The following CAMK1D variants were observed in gnomAD, a reference collection of about 807,000 sequenced individuals.
CAMK1D encodes calcium/calmodulin-dependent protein kinase type 1D.
CAMK1D carries 9 observed loss-of-function variants against 47.7 expected under a neutral mutation model. The ratio of observed to expected loss-of-function variants is 0.19; its 90% CI spans 0.11 to 0.33. CAMK1D has a LOEUF of 0.33. Ranked by LOEUF, CAMK1D falls within the 10% of genes least tolerant of loss-of-function variation. CAMK1D has a pLI of 1.00. For missense variants in CAMK1D, 291 were observed against 488.7 expected (o/e 0.60, Z 3.81); for synonymous variants, 184 against 184.9 (o/e 0.99, Z 0.04).
chr10:12,522,193 TTTTTTTTC>T lies in CAMK1D; in HGVS notation c.93-31024_93-31017del, dbSNP rs1252010999. ...TTTTGTGTTATATGATATATTTCCT[TTTTTTTTC>T]TTTTTTTTTTTTTTTATTGATCATT... On this transcript the variant is annotated intron_variant, in intron 1 of 10. Transcript: ENST00000619168. Among the ~76,000 whole-genome samples the T allele has an allele frequency of 6.7e-3, 265 of 39,466 alleles. 4 individuals carry two copies. The highest frequency in any genetic ancestry group is 0.019 in the African/African-American group (238 of 12,252). The allele number at this position is 39,466 out of a possible 152,430, so 25.9% of individuals were successfully genotyped here. A position where few individuals can be genotyped will look rare whatever the true frequency, so the allele number is the denominator to read the frequency against.
chr10:12,387,445 T>TTATATATATATATA lies in CAMK1D; in HGVS notation c.92+37542_92+37555dup, dbSNP rs373637712. 9.0e-3 allele frequency among the ~76,000 whole-genome samples: 598 copies of TTATATATATATATA among 66,096 alleles called. 3 individuals are homozygous for TTATATATATATATA. Among genetic ancestry groups the TTATATATATATATA allele is most frequent in the Admixed American group, 0.014 (60 of 4,190 alleles). The allele number at this position is 66,096 out of a possible 152,430, so 43.4% of individuals were successfully genotyped here. On this transcript the variant is annotated intron_variant, in intron 1 of 10. Transcript: ENST00000619168. Reference sequence around the variant, plus strand: ...ATATATTTTATATATTATATATATTTTATATATATATATATATATAGACAT... The same window carrying TTATATATATATATA: ...ATATATTTTATATATTATATATATTTTATATATATATATATATATATATATATATATATAGACAT...
At chr10:12,672,897 T>TC (rs1840671850) in intron 3 of CAMK1D, among the ~76,000 whole-genome samples, 2 of 46,016 alleles carry the variant, frequency 4.3e-5, no homozygotes, top group Admixed American at 4.5e-4. Context: ...TAGGCTTGCC[T>TC]TTTTTTTTTT....
chr10:12,454,221 G>C (rs568646318), intron 1 of CAMK1D, among the ~76,000 whole-genome samples: 2 of 152,204 alleles, frequency 1.3e-5, no homozygotes, highest in Non-Finnish European at 2.9e-5. Context: ...GGAGTGCAGT[G>C]ACGCGATTTC....
intron 2 of CAMK1D, among the ~76,000 whole-genome samples, chr10:12,556,922 T>C (rs1836780091): frequency 6.6e-6 from 1 of 152,010 alleles, no homozygotes; most frequent in Non-Finnish European, 1.5e-5. Context: ...ACACAGAAGC[T>C]CTGGAGTTGG....
chr10:12,758,874 C>G lies in CAMK1D; in HGVS notation c.300-2074C>G, dbSNP rs369488506. On this transcript the variant is annotated intron_variant, in intron 3 of 10. Transcript: ENST00000619168. ...CAGTAGCAGGCAGAACAGTGAGAAG[C>G]AAGCCCTGGAGACAGCAGTTAGGGA... is the stretch of plus-strand genomic sequence containing the variant. Among the ~76,000 whole-genome samples the G allele has an allele frequency of 7.9e-5, 12 of 152,092 alleles. No homozygotes were observed. The South Asian group carries it at 8.3e-4, about 11-fold the overall frequency.
At chr10:12,478,008 C>CTT (rs539240317) in intron 1 of CAMK1D, among the ~76,000 whole-genome samples, 6 of 141,138 alleles carry the variant, frequency 4.3e-5, no homozygotes, top group Non-Finnish European at 7.8e-5. Context: ...TTTTCTTTTT[C>CTT]TTTTTTTTTT....
rs140209344 is a variant in CAMK1D at position 12,611,276 on chromosome 10, G to A, written c.225-55460G>A. ...CCGGAAGACTCCACCTCCACTAAAC[G>A]CAGGCCCTGTGCCCATCCCTGGAAG... is the stretch of plus-strand genomic sequence containing the variant. On this transcript the variant is annotated intron_variant, in intron 2 of 10. Coordinates refer to ENST00000619168, the MANE Select transcript of CAMK1D (RefSeq NM_153498.4). Among the ~76,000 whole-genome samples the A allele has an allele frequency of 6.9e-4, 105 of 152,210 alleles. No individual in the cohort carries two copies. The East Asian group carries it at 0.011, about 16-fold the overall frequency.
chr10:12,522,473 G>T (rs1431792621), intron 1 of CAMK1D, among the ~76,000 whole-genome samples: 3 of 150,420 alleles, frequency 2.0e-5, no homozygotes, highest in Admixed American at 6.6e-5. Context: ...ATTTAACCCT[G>T]AGTGGACACA....
intron 1 of CAMK1D, among the ~76,000 whole-genome samples, chr10:12,515,797 G>A (rs1351708750): frequency 6.6e-6 from 1 of 151,734 alleles, no homozygotes; most frequent in Non-Finnish European, 1.5e-5. Context: ...ATTTTTAGTA[G>A]AGATGGGATT....
intron 1 of CAMK1D, among the ~76,000 whole-genome samples, chr10:12,530,712 A>C (rs1242303262): frequency 6.6e-6 from 1 of 152,158 alleles, no homozygotes; most frequent in African/African-American, 2.4e-5. Context: ...TTACTTTTTC[A>C]GACCCCTTCC....
intron 3 of CAMK1D, among the ~76,000 whole-genome samples, chr10:12,680,223 A>G (rs1304658754): frequency 6.6e-6 from 1 of 152,246 alleles, no homozygotes; most frequent in Non-Finnish European, 1.5e-5. Context: ...GAGTTTATAT[A>G]GGAAATTAAT....
At position 12,782,088 on chromosome 10, in the gene CAMK1D, G is replaced by GA. The variant is rs1194276638; in HGVS notation, c.566-9066dup. Among the ~76,000 whole-genome samples, 3 of 148,874 alleles carry GA rather than the reference G, an allele frequency of 2.0e-5. No homozygotes were observed. The Admixed American group carries it at 2.0e-4, about 10-fold the overall frequency. On this transcript the variant is annotated intron_variant, in intron 5 of 10. Transcript: ENST00000619168. ...ACCAGAGAAGGAGGCTATCCCAACA[G>GA]AAAAGATCAGAGCTGTCCCAAAAGC...
chr10:12,575,730 G>A (rs556487663), intron 2 of CAMK1D, among the ~76,000 whole-genome samples: 3 of 152,304 alleles, frequency 2.0e-5, no homozygotes, highest in Admixed American at 6.5e-5. Context: ...CCAGGGACCC[G>A]TGGACCCCCC....
intron 3 of CAMK1D, among the ~76,000 whole-genome samples, chr10:12,745,116 T>C (rs946642748): frequency 6.6e-6 from 1 of 152,226 alleles, no homozygotes; most frequent in Non-Finnish European, 1.5e-5. Flanking sequence ...CTGCAAGCTC[T>C]GCCTTCCGAG....
At chr10:12,400,999 A>G (rs1839158129) in intron 1 of CAMK1D, among the ~76,000 whole-genome samples, 1 of 134,070 alleles carries the variant, frequency 7.5e-6, no homozygotes, top group East Asian at 2.0e-4. Flanking sequence ...TTCTGTCTTT[A>G]CCTTTCTCCT....
intron 10 of CAMK1D, 112 bp downstream of exon 10, chr10:12,825,802 T>A (rs1290764506): frequency 1.3e-6 from 2 of 1,559,328 alleles, no homozygotes; most frequent in Non-Finnish European, 1.7e-6. Flanking sequence ...GCGCTTTCTA[T>A]ACTTAATCCC....
chr10:12,739,291 C>CG (rs1332770834), intron 3 of CAMK1D, among the ~76,000 whole-genome samples: 1 of 151,878 alleles, frequency 6.6e-6, no homozygotes, highest in Non-Finnish European at 1.5e-5. Flanking sequence ...CCTCTCCCCC[C>CG]GAGACAGAGT....
At chr10:12,428,037 A>C (rs1840311691) in intron 1 of CAMK1D, among the ~76,000 whole-genome samples, 1 of 151,926 alleles carries the variant, frequency 6.6e-6, no homozygotes, top group Non-Finnish European at 1.5e-5. Flanking sequence ...TAATTATTAT[A>C]CTTTAAGTTC....
intron 1 of CAMK1D, among the ~76,000 whole-genome samples, chr10:12,510,881 A>G (rs1219529224): frequency 2.6e-5 from 4 of 152,214 alleles, no homozygotes; most frequent in South Asian, 2.1e-4. Flanking sequence ...CAGAGCACAC[A>G]CAATTGATTT....
Sources: gnomAD v4.1 joint callset for allele counts (sites outside exome capture counted in the v4.1 genomes callset) on GRCh38, gnomAD v4.1.1 for gene constraint, MANE v1.5 for transcripts, NCBI Gene and HGNC (gene_info 2026-07-23, HGNC 2026-07-21) for gene names.